The following TIA1 variants were observed in gnomAD, a reference collection of about 807,000 sequenced individuals.
TIA1 encodes the protein TIA1 cytotoxic granule associated RNA binding protein.
TIA1 carries 23 observed loss-of-function variants against 65.9 expected under a neutral mutation model. The ratio of observed to expected loss-of-function variants is 0.35; its 90% CI spans 0.25 to 0.49. TIA1 has a LOEUF of 0.49. TIA1 is among the 20% of genes least tolerant of loss of function. The probability of loss-of-function intolerance (pLI) is 0.98; values close to 1 mark genes in which losing one functional copy is unlikely to be tolerated. For missense variants in TIA1, 371 were observed against 477.9 expected (o/e 0.78, Z 2.09); for synonymous variants, 147 against 149.4 (o/e 0.98, Z 0.12).
chr2:70,241,184 C>T (rs1462617931), intron 1 of TIA1, among the ~76,000 whole-genome samples: 23 of 151,706 alleles, frequency 1.5e-4, no homozygotes, highest in Non-Finnish European at 4.4e-5. Context: ...CGGTGGCTCA[C>T]GCCTGTAATC....
chr2:70,214,658 A>C (rs77599902), intron 11 of TIA1, among the ~76,000 whole-genome samples, 164 bp from the exon 12 acceptor site: 2 of 151,506 alleles, frequency 1.3e-5, no homozygotes, highest in South Asian at 2.1e-4. Context: ...AAAAAAAAAA[A>C]CAAAAAACAA....
intron 7 of TIA1, 119 bp downstream of exon 7, chr2:70,224,435 G>T (rs1174077052): frequency 1.4e-6 from 2 of 1,381,396 alleles, no homozygotes; most frequent in East Asian, 2.5e-5. Context: ...CTTCTAGTGA[G>T]GGTTTATTTT....
intron 2 of TIA1, among the ~76,000 whole-genome samples, chr2:70,235,110 T>C (rs1389751801): frequency 3.9e-5 from 6 of 152,094 alleles, no homozygotes; most frequent in African/African-American, 7.2e-5. Context: ...CTCTTTAACA[T>C]AGCCTTTCCC....
At chr2:70,223,604 G>T (rs1029002953) in intron 7 of TIA1, among the ~76,000 whole-genome samples, 6 of 151,770 alleles carry the variant, frequency 4.0e-5, no homozygotes, top group Admixed American at 2.6e-4. Context: ...TGTAGAGATG[G>T]GGTTTTGCCA....
chr2:70,241,466 C>A (rs1320300644), intron 1 of TIA1, among the ~76,000 whole-genome samples: 1 of 152,016 alleles, frequency 6.6e-6, no homozygotes, highest in Admixed American at 6.6e-5. Context: ...AAAGTTTTGA[C>A]CAATGAACTA....
At chr2:70,230,482 T>G (rs973299286) in intron 3 of TIA1, among the ~76,000 whole-genome samples, 2 of 151,858 alleles carry the variant, frequency 1.3e-5, no homozygotes, top group African/African-American at 4.8e-5. Context: ...GAAACCTCAT[T>G]TCTACTAAAA....
intron 1 of TIA1, among the ~76,000 whole-genome samples, chr2:70,244,782 C>G (rs57009805): frequency 0.064 from 8,991 of 141,004 alleles, 356 homozygotes; most frequent in East Asian, 0.19. Flanking sequence ...TTGCAGTGAG[C>G]CAAGATTGGG....
In TIA1 at chr2:70,227,768, A is replaced by C; in HGVS notation, c.365T>G (p.Ile122Arg). 1 of 1,596,174 alleles carries C rather than the reference A, an allele frequency of 6.3e-7. No homozygotes were observed. The highest frequency in any genetic ancestry group is 8.6e-7 in the Non-Finnish European group (1 of 1,169,028). ...DLSPEITTED[I>R]KAAFAPFGRI... ...TCCAAATGGTGCAAAAGCAGCTTTT[A>C]TATCTTCAGTTGTAATTTCTGGGCT... The change falls in exon 6 of 13, where the codon ATA becomes AGA. Residue 122 changes from isoleucine to arginine, a missense_variant. Physicochemically the swap from Ile to Arg is moderately conservative, Grantham distance 97 (BLOSUM62 -3). Coordinates refer to ENST00000433529, the MANE Select transcript of TIA1 (RefSeq NM_022173.4).
At chr2:70,227,708 G>T in intron 6 of TIA1, 27 bp downstream of exon 6, 1 of 1,438,334 alleles carries the variant, frequency 7.0e-7, no homozygotes, top group Non-Finnish European at 9.6e-7. Context: ...CTAATTAAAA[G>T]GATTTTATTT....
In TIA1 at chr2:70,216,983, G is replaced by A. The variant is rs772264529; in HGVS notation, c.486C>T (p.Asn162=). 6.3e-5 allele frequency: 101 copies of A among 1,612,612 alleles called. No homozygotes were observed. The highest frequency in any genetic ancestry group is 8.2e-5 in the Non-Finnish European group (97 of 1,179,546). The change falls in exon 8 of 13, where the codon AAC becomes AAT. Residue 162 remains asparagine, a synonymous_variant. Transcript: ENST00000433529. ...VSFFNKWDAE[N]AIQQMGGQWL... is the part of the protein sequence containing the mutation. ...ACTGGCCACCCATCTGTTGAATGGC[G>A]TTTTCAGCATCCTGTTCCGTACAAC...
At chr2:70,219,905 CA>C (rs1680474609) in intron 7 of TIA1, among the ~76,000 whole-genome samples, 1 of 151,912 alleles carries the variant, frequency 6.6e-6, no homozygotes, top group African/African-American at 2.4e-5. Context: ...TAAAAAGAAA[CA>C]AATATTATCA....
chr2:70,244,846 A>C (rs1693583250), intron 1 of TIA1, among the ~76,000 whole-genome samples: 2 of 151,400 alleles, frequency 1.3e-5, no homozygotes, highest in Non-Finnish European at 2.9e-5. Flanking sequence ...AAAAAAAAAA[A>C]AAAAAAAAAA....
intron 1 of TIA1, among the ~76,000 whole-genome samples, chr2:70,248,135 A>G (rs948556202): frequency 3.9e-5 from 6 of 152,226 alleles, no homozygotes; most frequent in African/African-American, 1.4e-4. Flanking sequence ...CTCCAGGTCT[A>G]AGACCACAGA....
intron 7 of TIA1, among the ~76,000 whole-genome samples, chr2:70,219,614 G>A (rs1351049187): frequency 1.3e-5 from 2 of 151,956 alleles, no homozygotes; most frequent in Admixed American, 1.3e-4. Flanking sequence ...AGGACTATAA[G>A]CATGCACCAA....
At position 70,214,028 on chromosome 2, in the gene TIA1, T is replaced by C. The variant is rs377121699; in HGVS notation, c.1034+321A>G. 7.2e-5 allele frequency among the ~76,000 whole-genome samples: 11 copies of C among 152,292 alleles called. No individual in the cohort carries two copies. In the East Asian group the frequency reaches 1.5e-3, roughly 21 times the overall value. On this transcript the variant is annotated intron_variant, in intron 12 of 12. Transcript: ENST00000433529. Reference sequence around the variant, plus strand: ...CAGAAATGTAAGTAAAATAGTGTAATTCAGGGTGTATAAGGAAGCTTGCAA... The same window carrying C: ...CAGAAATGTAAGTAAAATAGTGTAACTCAGGGTGTATAAGGAAGCTTGCAA...
chr2:70,229,937 C>T (rs946325782), intron 3 of TIA1, among the ~76,000 whole-genome samples: 1 of 118,070 alleles, frequency 8.5e-6, no homozygotes, highest in Non-Finnish European at 1.8e-5. Flanking sequence ...GATTCCATCT[C>T]AAAAAAAAAA....
intron 6 of TIA1, chr2:70,225,068 G>T: frequency 1.0e-6 from 1 of 977,888 alleles, no homozygotes; most frequent in Non-Finnish European, 1.2e-6. Flanking sequence ...GAATGAAAAA[G>T]TTGTATATTC....
intron 11 of TIA1, 91 bp downstream of exon 11, chr2:70,215,280 G>A: frequency 6.5e-7 from 1 of 1,534,890 alleles, no homozygotes; most frequent in South Asian, 1.1e-5. Context: ...ATTTTAGCTA[G>A]AAACTTATTA....
At chr2:70,212,890 GATTAAAA>G in intron 12 of TIA1, 45 bp from the exon 13 acceptor site, 1 of 1,330,784 alleles carries the variant, frequency 7.5e-7, no homozygotes, top group Non-Finnish European at 1.1e-6. Context: ...GAAATCCACT[GATTAAAA>G]TAAAGTATTG....
Sources: allele counts gnomAD v4.1 joint callset (sites outside exome capture counted in the v4.1 genomes callset), GRCh38; gene constraint gnomAD v4.1.1; transcripts MANE v1.5; gene names NCBI Gene and HGNC (gene_info 2026-07-23, HGNC 2026-07-21).